Variants in SLC44A5 observed in about 807,000 individuals in gnomAD.
SLC44A5 encodes the protein choline transporter-like protein 5.
In SLC44A5, 57 loss-of-function variants were observed where a neutral mutation model predicts 101.8. The ratio of observed to expected loss-of-function variants is 0.56; its 90% CI spans 0.45 to 0.70. The LOEUF (loss-of-function observed/expected upper bound fraction) is 0.70. Ranked by LOEUF, SLC44A5 falls within the 30% of genes least tolerant of loss-of-function variation. The pLI is 0.00. For missense variants in SLC44A5, 737 were observed against 853.1 expected, an observed-to-expected ratio of 0.86 and a Z score of 1.70; for synonymous variants, 281 against 290.9, an observed-to-expected ratio of 0.97 and a Z score of 0.35.
the SLC44A5 span, among the ~76,000 whole-genome samples, chr1:75,638,323 T>C: frequency 1.3e-5 from 2 of 152,118 alleles, no homozygotes; most frequent in Admixed American, 6.6e-5. Context: ...ACATAGTAAG[T>C]AGAATCTAGT....
At chr1:75,215,717 A>AG in intron 19 of SLC44A5, 37 bp downstream of exon 19, 2 of 1,280,958 alleles carry the variant, frequency 1.6e-6, no homozygotes, top group Non-Finnish European at 2.3e-6. Flanking sequence ...GGGATTGCAA[A>AG]GAAGCAGCTT....
At chr1:75,492,187 T>C (rs933525877) in intron 2 of SLC44A5, among the ~76,000 whole-genome samples, 1 of 152,190 alleles carries the variant, frequency 6.6e-6, no homozygotes, top group Admixed American at 6.6e-5. Context: ...AGGAGGTTGG[T>C]ATGCCAATCC....
chr1:75,252,993 C>T (rs548811393), intron 6 of SLC44A5, among the ~76,000 whole-genome samples: 1 of 152,218 alleles, frequency 6.6e-6, no homozygotes, highest in African/African-American at 2.4e-5. Flanking sequence ...CACCTGCACC[C>T]CATGAGAGAG....
chr1:75,388,165 A>T (rs1244995119), intron 3 of SLC44A5, among the ~76,000 whole-genome samples: 1 of 148,150 alleles, frequency 6.7e-6, no homozygotes, highest in African/African-American at 2.5e-5. Context: ...TACATATGTA[A>T]CTAACCTGCA....
chr1:75,243,525 T>C (rs1238466919), intron 7 of SLC44A5, among the ~76,000 whole-genome samples: 3 of 152,114 alleles, frequency 2.0e-5, no homozygotes, highest in Non-Finnish European at 4.4e-5. Context: ...ATTGATGTTA[T>C]GTTAAAACAA....
chr1:75,425,203 G>A (rs999989113), intron 2 of SLC44A5, among the ~76,000 whole-genome samples: 2 of 152,242 alleles, frequency 1.3e-5, no homozygotes, highest in Non-Finnish European at 2.9e-5. Context: ...TTGTGCAAGT[G>A]CAGCCCCAGT....
chr1:75,362,951 A>C (rs1659602750), intron 3 of SLC44A5, among the ~76,000 whole-genome samples: 1 of 152,090 alleles, frequency 6.6e-6, no homozygotes, highest in Non-Finnish European at 1.5e-5. Flanking sequence ...ATTGTATTGC[A>C]GTCTATATTT....
At chr1:75,448,498 A>G (rs1665715709) in intron 2 of SLC44A5, among the ~76,000 whole-genome samples, 1 of 152,248 alleles carries the variant, frequency 6.6e-6, no homozygotes, top group Non-Finnish European at 1.5e-5. Context: ...CGTAGGTGGC[A>G]CTATCTCTAA....
chr1:75,519,599 A>C (rs1670010946), intron 2 of SLC44A5, among the ~76,000 whole-genome samples: 1 of 152,202 alleles, frequency 6.6e-6, no homozygotes, highest in African/African-American at 2.4e-5. Flanking sequence ...ACACACATAT[A>C]CACACAATTC....
At chr1:75,552,807 T>C (rs1055684046) in intron 1 of SLC44A5, among the ~76,000 whole-genome samples, 3 of 152,144 alleles carry the variant, frequency 2.0e-5, no homozygotes, top group Non-Finnish European at 4.4e-5. Flanking sequence ...TATTTTTTGG[T>C]GGCATACTTT....
chr1:75,578,843 T>C (rs1306634483), intron 1 of SLC44A5, among the ~76,000 whole-genome samples: 2 of 152,216 alleles, frequency 1.3e-5, no homozygotes, highest in African/African-American at 4.8e-5. Flanking sequence ...CTTGATTTAA[T>C]CATTTTTCAA....
intron 1 of SLC44A5, among the ~76,000 whole-genome samples, chr1:75,558,650 G>A (rs929452168): frequency 6.6e-6 from 1 of 152,016 alleles, no homozygotes; most frequent in Admixed American, 6.6e-5. Flanking sequence ...GGAAATGAAC[G>A]ATGCATCATT....
Position 75,323,107 on chromosome 1 carries a change from A to G in SLC44A5, c.101+16475T>C, listed in dbSNP as rs556675587. Among the ~76,000 whole-genome samples the G allele has an allele frequency of 6.3e-5, 9 of 143,104 alleles. No individual in the cohort carries two copies. In the East Asian group the frequency reaches 1.9e-3, roughly 30 times the overall value. The allele number at this position is 143,104 out of a possible 152,430, so 93.9% of individuals were successfully genotyped here. On this transcript the variant is annotated intron_variant, in intron 4 of 23. Coordinates refer to ENST00000370859, the MANE Select transcript of SLC44A5 (RefSeq NM_001130058.2). ...CCCTCCCGCCTCCCCCCACCCCACA[A>G]CAGTCCCCAGAGTGTGATGTTCCCC...
chr1:75,213,589 G>T (rs1646901484), intron 22 of SLC44A5, 116 bp downstream of exon 22: 1 of 768,654 alleles, frequency 1.3e-6, no homozygotes, highest in South Asian at 1.7e-5. Flanking sequence ...CTGACACCTT[G>T]ATCTTGGACT....
At chr1:75,576,722 A>G (rs918868665) in intron 1 of SLC44A5, among the ~76,000 whole-genome samples, 2 of 152,150 alleles carry the variant, frequency 1.3e-5, no homozygotes, top group African/African-American at 2.4e-5. Flanking sequence ...GATTCAACAC[A>G]ACTATACTCA....
the SLC44A5 span, among the ~76,000 whole-genome samples, chr1:75,679,499 A>T: frequency 6.6e-6 from 1 of 151,976 alleles, no homozygotes. Context: ...AGAATTTCAT[A>T]TCCAGCCAAA....
At chr1:75,216,965 T>G (rs1010095614) in intron 18 of SLC44A5, among the ~76,000 whole-genome samples, 1 of 152,074 alleles carries the variant, frequency 6.6e-6, no homozygotes. Context: ...TTGATGAAGT[T>G]CAATTTATTT....
rs115155572 is a variant in SLC44A5 at position 75,436,715 on chromosome 1, G to C, written c.14-40094C>G. Among the ~76,000 whole-genome samples the C allele has an allele frequency of 4.8e-3, 734 of 152,058 alleles. 4 individuals are homozygous for C. The highest frequency in any genetic ancestry group is 0.017 in the African/African-American group (705 of 41,480). ...TAGCTTACTAATTTCTTTAGCTTAGGAACTTTTTTAATATTTTAAATGTTT... is the reference window on the plus strand; with the variant it reads ...TAGCTTACTAATTTCTTTAGCTTAGCAACTTTTTTAATATTTTAAATGTTT... On this transcript the variant is annotated intron_variant, in intron 2 of 23. Coordinates refer to ENST00000370859, the MANE Select transcript of SLC44A5 (RefSeq NM_001130058.2).
At chr1:75,214,536 A>G (rs111394593) in intron 20 of SLC44A5, 69 bp downstream of exon 20, 2 of 1,214,512 alleles carry the variant, frequency 1.6e-6, no homozygotes, top group Non-Finnish European at 2.4e-6. Context: ...TTAAATAACA[A>G]CATGTAAAGG....
Sources: allele counts gnomAD v4.1 joint callset (sites outside exome capture counted in the v4.1 genomes callset), GRCh38; gene constraint gnomAD v4.1.1; transcripts MANE v1.5; gene names NCBI Gene and HGNC (gene_info 2026-07-23, HGNC 2026-07-21).